The following DNAJC10 variants were observed in gnomAD, a reference collection of about 807,000 sequenced individuals.
The protein encoded by DNAJC10 is DnaJ heat shock protein family (Hsp40) member C10.
In DNAJC10, 101 loss-of-function variants were observed where a neutral mutation model predicts 115.0. The observed-to-expected ratio is 0.88, with a 90% confidence interval of 0.75 to 1.04. The LOEUF (loss-of-function observed/expected upper bound fraction) is 1.04. DNAJC10 is among the 50% of genes least tolerant of loss of function. DNAJC10 has a pLI of 0.00. For synonymous variants in DNAJC10, 307 were observed against 301.5 expected (o/e 1.02, Z -0.19); for missense variants, 981 against 928.8 (o/e 1.06, Z -0.73).
rs1235126431 is a variant in DNAJC10 at position 182,728,733 on chromosome 2, T to C, written c.501+75T>C. 11 of 1,342,178 alleles carry C rather than the reference T, an allele frequency of 8.2e-6. No homozygotes were observed. In the African/African-American group the frequency reaches 1.3e-4, roughly 16 times the overall value. The allele number at this position is 1,342,178 out of a possible 1,614,324, so 83.1% of individuals were successfully genotyped here. A position where few individuals can be genotyped will look rare whatever the true frequency, so the allele number is the denominator to read the frequency against. On this transcript the variant is annotated intron_variant, in intron 6 of 23. Coordinates refer to ENST00000264065, the MANE Select transcript of DNAJC10 (RefSeq NM_018981.4). ...CAATTTATATGTTAGAATTTTTTTTTCTATGAATAGTAATCAAAAATAATT... is the reference window on the plus strand; with the variant it reads ...CAATTTATATGTTAGAATTTTTTTTCCTATGAATAGTAATCAAAAATAATT...
At chr2:182,746,745 T>C (rs1371100510) in intron 14 of DNAJC10, among the ~76,000 whole-genome samples, 3 of 152,112 alleles carry the variant, frequency 2.0e-5, no homozygotes, top group Non-Finnish European at 4.4e-5. Flanking sequence ...TTAGATCCCA[T>C]TTGTCAATTT....
chr2:182,725,229 T>C (rs1173821092), intron 5 of DNAJC10, among the ~76,000 whole-genome samples: 1 of 152,134 alleles, frequency 6.6e-6, no homozygotes, highest in Non-Finnish European at 1.5e-5. Context: ...CCCTTTTCTC[T>C]CCCACTTCTT....
At chr2:182,732,437 G>GC in intron 9 of DNAJC10, 62 bp from the exon 10 acceptor site, 1 of 1,508,114 alleles carries the variant, frequency 6.6e-7, no homozygotes, top group Non-Finnish European at 9.2e-7. Context: ...AAAGGCAAAT[G>GC]CAAGTATTTT....
Position 182,740,214 on chromosome 2 carries a change from C to A in DNAJC10, c.988-85C>A, listed in dbSNP as rs933526153. The A allele has an allele frequency of 6.8e-6, 8 of 1,178,084 alleles. No homozygotes were observed. The African/African-American group carries it at 1.1e-4, about 17-fold the overall frequency. The allele number at this position is 1,178,084 out of a possible 1,614,324, so 73.0% of individuals were successfully genotyped here. A position where few individuals can be genotyped will look rare whatever the true frequency, so the allele number is the denominator to read the frequency against. On this transcript the variant is annotated intron_variant, in intron 11 of 23. Coordinates refer to ENST00000264065, the MANE Select transcript of DNAJC10 (RefSeq NM_018981.4). ...TTCTATAATCATTTTCCTAAAAATA[C>A]TACATTGGAAATTGAAAAAACAAAA...
chr2:182,729,759 A>G, intron 7 of DNAJC10, 89 bp from the exon 8 acceptor site: 1 of 773,296 alleles, frequency 1.3e-6, no homozygotes, highest in Non-Finnish European at 2.1e-6. Flanking sequence ...TATTCAAGAT[A>G]ATGTAAAAAT....
chr2:182,769,975 C>T (rs966241378), intron 22 of DNAJC10, among the ~76,000 whole-genome samples: 5 of 152,126 alleles, frequency 3.3e-5, no homozygotes, highest in Admixed American at 1.3e-4. Flanking sequence ...GGTCTTTAAT[C>T]CATCTTGAAT....
At position 182,784,217 on chromosome 2, in the gene DNAJC10, C is replaced by T. The variant is rs1216283183; in HGVS notation, c.*7085C>T. 6.6e-6 allele frequency: 1 copy of T among 152,010 alleles called. No homozygotes were observed. The highest frequency in any genetic ancestry group is 2.4e-5 in the African/African-American group (1 of 41,352). The allele number at this position is 152,010 out of a possible 1,614,324, so 9.4% of individuals were successfully genotyped here. Reference sequence around the variant, plus strand: ...AGGTGTGTGCCTGTAATCATCTACCCTGGAGGCTGAGACAGGAGAATTGCA... The same window carrying T: ...AGGTGTGTGCCTGTAATCATCTACCTTGGAGGCTGAGACAGGAGAATTGCA... On this transcript the variant is annotated 3_prime_UTR_variant, in exon 24 of 24. Transcript: ENST00000264065.
At chr2:182,742,900 G>A (rs1454655573) in intron 13 of DNAJC10, among the ~76,000 whole-genome samples, 1 of 151,458 alleles carries the variant, frequency 6.6e-6, no homozygotes, top group Non-Finnish European at 1.5e-5. Flanking sequence ...AGGCTGGAGT[G>A]CAGTGGTGCG....
rs187538535 is a variant in DNAJC10 at position 182,792,274 on chromosome 2, A to G, written c.*15142A>G. ...GAATTAAATGCACTATCTGAAGTCT[A>G]TGTTTATTAAATGAGGATTACAGTA... is the stretch of plus-strand genomic sequence containing the variant. On this transcript the variant is annotated 3_prime_UTR_variant, in exon 24 of 24. Transcript: ENST00000264065. 2.0e-4 allele frequency: 31 copies of G among 152,300 alleles called. No individual in the cohort carries two copies. In the East Asian group the frequency reaches 4.6e-3, roughly 23 times the overall value. The allele number at this position is 152,300 out of a possible 1,614,324, so 9.4% of individuals were successfully genotyped here.
At chr2:182,774,974 TC>T (rs1224699191) in intron 22 of DNAJC10, among the ~76,000 whole-genome samples, 1 of 152,206 alleles carries the variant, frequency 6.6e-6, no homozygotes, top group African/African-American at 2.4e-5. Context: ...CTGGAGCTAT[TC>T]CTACTCAGCC....
Position 182,782,015 on chromosome 2 carries a change from C to T in DNAJC10, c.*4883C>T, listed in dbSNP as rs983114240. The T allele has an allele frequency of 1.3e-5, 2 of 152,188 alleles. No individual in the cohort carries two copies. Among genetic ancestry groups the T allele is most frequent in the African/African-American group, 4.8e-5 (2 of 41,462 alleles). The allele number at this position is 152,188 out of a possible 1,614,324, so 9.4% of individuals were successfully genotyped here. A position where few individuals can be genotyped will look rare whatever the true frequency, so the allele number is the denominator to read the frequency against. ...GCTTTTGGTGTTCTAGTCATGAAGT[C>T]TTTGCCCATGCCTATGTCCTGAATG... On this transcript the variant is annotated 3_prime_UTR_variant, in exon 24 of 24. Coordinates refer to ENST00000264065, the MANE Select transcript of DNAJC10 (RefSeq NM_018981.4).
chr2:182,762,882 T>C, intron 22 of DNAJC10, 81 bp downstream of exon 22: 1 of 1,451,276 alleles, frequency 6.9e-7, no homozygotes. Context: ...ATGTTTTTTT[T>C]CTGTTTTCTC....
chr2:182,726,176 A>G (rs1214587357), intron 5 of DNAJC10, among the ~76,000 whole-genome samples: 1 of 152,182 alleles, frequency 6.6e-6, no homozygotes, highest in East Asian at 1.9e-4. Flanking sequence ...TCAAGGCTTC[A>G]ATGGAGGATG....
intron 14 of DNAJC10, among the ~76,000 whole-genome samples, 189 bp from the exon 15 acceptor site, chr2:182,751,469 G>C (rs1338767839): frequency 6.6e-6 from 1 of 152,106 alleles, no homozygotes; most frequent in African/African-American, 2.4e-5. Flanking sequence ...GGAAACAGAA[G>C]AGTGTGCAAG....
intron 11 of DNAJC10, among the ~76,000 whole-genome samples, chr2:182,737,542 T>C (rs893889538): frequency 6.6e-6 from 1 of 152,220 alleles, no homozygotes; most frequent in African/African-American, 2.4e-5. Context: ...TTTATACCTG[T>C]GACTCAAACC....
intron 23 of DNAJC10, 52 bp from the exon 24 acceptor site, chr2:182,777,069 T>G (rs868868631): frequency 8.1e-7 from 1 of 1,231,674 alleles, no homozygotes; most frequent in South Asian, 2.0e-5. Context: ...ATTTTTAACA[T>G]TACCAACTCA....
At chr2:182,738,266 T>TC (rs765552456) in intron 11 of DNAJC10, among the ~76,000 whole-genome samples, 203 of 152,314 alleles carry the variant, frequency 1.3e-3, no homozygotes, top group Non-Finnish European at 2.6e-3. Flanking sequence ...AATGGGAGCA[T>TC]TGTGGCCATT....
intron 18 of DNAJC10, among the ~76,000 whole-genome samples, chr2:182,757,159 G>A (rs1694177863): frequency 6.6e-6 from 1 of 152,056 alleles, no homozygotes; most frequent in South Asian, 2.1e-4. Flanking sequence ...GTAGAAGATT[G>A]GAAACAAATC....
In DNAJC10 at chr2:182,736,293, T is replaced by A; in HGVS notation, c.894T>A (p.Asp298Glu). The change falls in exon 11 of 24, where the codon GAT becomes GAA. Residue 298 changes from aspartate (D) to glutamate (E), a missense_variant. Transcript: ENST00000264065. ...GATGGATGGACTGTGCCACCCAGGA[T>A]AACCTTTGTAAAAGCTTAGATATTA... Reference protein sequence around the residue: ...NVGWMDCATQDNLCKSLDITT... With the variant: ...NVGWMDCATQENLCKSLDITT... 1.3e-6 allele frequency: 2 copies of A among 1,595,070 alleles called. No homozygotes were observed. The highest frequency in any genetic ancestry group is 1.7e-6 in the Non-Finnish European group (2 of 1,173,220).
Sources: gnomAD v4.1 joint callset for allele counts (sites outside exome capture counted in the v4.1 genomes callset) on GRCh38, gnomAD v4.1.1 for gene constraint, MANE v1.5 for transcripts, NCBI Gene and HGNC (gene_info 2026-07-23, HGNC 2026-07-21) for gene names.